NRXN1: variants seen among roughly 807,000 people sequenced by gnomAD.
The protein encoded by NRXN1 is neurexin-1.
In NRXN1, 39 loss-of-function variants were observed where a neutral mutation model predicts 150.9. The ratio of observed to expected loss-of-function variants is 0.26; its 90% CI spans 0.20 to 0.34. NRXN1 has a LOEUF of 0.34. Ranked by LOEUF, NRXN1 falls within the 10% of genes least tolerant of loss-of-function variation. The pLI, the probability that NRXN1 is intolerant of heterozygous loss-of-function variation, is 1.00. For synonymous variants in NRXN1, 924 were observed against 757.0 expected (o/e 1.22, Z -3.62); for missense variants, 1,815 against 1,949.9 (o/e 0.93, Z 1.30).
intron 2 of NRXN1, among the ~76,000 whole-genome samples, chr2:51,020,925 A>G (rs888396870): frequency 6.6e-6 from 1 of 152,002 alleles, no homozygotes; most frequent in Non-Finnish European, 1.5e-5. Flanking sequence ...AAAAACAAAA[A>G]GCCTTGCAAT....
At chr2:50,731,329 T>G (rs1318973463) in intron 5 of NRXN1, among the ~76,000 whole-genome samples, 1 of 152,220 alleles carries the variant, frequency 6.6e-6, no homozygotes, top group Admixed American at 6.5e-5. Flanking sequence ...ACAGAAAGTT[T>G]GCAAGTCAAA....
At chr2:50,894,041 T>A (rs1681512842) in intron 5 of NRXN1, among the ~76,000 whole-genome samples, 2 of 151,164 alleles carry the variant, frequency 1.3e-5, no homozygotes, top group African/African-American at 4.9e-5. Flanking sequence ...TTTGCTATTG[T>A]GAATAATGCC....
At chr2:50,475,651 T>C (rs931585766) in intron 15 of NRXN1, among the ~76,000 whole-genome samples, 1 of 152,026 alleles carries the variant, frequency 6.6e-6, no homozygotes, top group East Asian at 1.9e-4. Context: ...GTTGGCTTTA[T>C]AAATAGGGGA....
At chr2:50,487,323 T>G (rs1307745372) in intron 15 of NRXN1, among the ~76,000 whole-genome samples, 1 of 152,184 alleles carries the variant, frequency 6.6e-6, no homozygotes, top group East Asian at 1.9e-4. Context: ...ATGCTTCTTG[T>G]ATTGTCCTTA....
At chr2:50,579,468 G>C (rs1474915430) in intron 8 of NRXN1, among the ~76,000 whole-genome samples, 2 of 152,110 alleles carry the variant, frequency 1.3e-5, no homozygotes, top group African/African-American at 4.8e-5. Context: ...GATCAGCCTG[G>C]GCAACACAGT....
At chr2:50,461,790 T>C (rs935973718) in intron 17 of NRXN1, among the ~76,000 whole-genome samples, 20 of 152,050 alleles carry the variant, frequency 1.3e-4, no homozygotes, top group African/African-American at 4.6e-4. Context: ...GAAGTTTCCA[T>C]GGGACAAAAG....
intron 4 of NRXN1, 52 bp downstream of exon 4, chr2:50,922,606 T>C (rs764536916): frequency 1.9e-6 from 3 of 1,589,874 alleles, no homozygotes; most frequent in Non-Finnish European, 2.6e-6. Context: ...TGAAAGCAGC[T>C]ACAGAACAAG....
intron 18 of NRXN1, among the ~76,000 whole-genome samples, chr2:50,133,845 A>G (rs1370780462): frequency 3.3e-5 from 5 of 152,198 alleles, no homozygotes; most frequent in Non-Finnish European, 7.4e-5. Flanking sequence ...TCTAACTGAC[A>G]AAATGAAGAC....
chr2:50,851,229 A>G (rs1302235899), intron 5 of NRXN1, among the ~76,000 whole-genome samples: 1 of 151,992 alleles, frequency 6.6e-6, no homozygotes, highest in Non-Finnish European at 1.5e-5. Context: ...TCCCCCCAAA[A>G]GTGGGGGTGA....
intron 2 of NRXN1, among the ~76,000 whole-genome samples, chr2:50,993,752 A>C (rs974359527): frequency 1.3e-5 from 2 of 151,954 alleles, no homozygotes; most frequent in African/African-American, 4.8e-5. Flanking sequence ...AAGCTTCTCC[A>C]CACACTATTT....
chr2:50,362,207 T>C (rs1050440754), intron 17 of NRXN1, among the ~76,000 whole-genome samples: 4 of 152,164 alleles, frequency 2.6e-5, no homozygotes, highest in African/African-American at 9.6e-5. Context: ...GGATGCCCTC[T>C]ATCACCACTC....
chr2:50,472,181 C>G, intron 16 of NRXN1, 117 bp downstream of exon 16: 1 of 824,444 alleles, frequency 1.2e-6, no homozygotes, highest in Non-Finnish European at 1.7e-6. Flanking sequence ...ATAAGGATGT[C>G]TAAGCCCAAA....
chr2:50,995,772 C>T (rs1045885763), intron 2 of NRXN1, among the ~76,000 whole-genome samples: 4 of 152,096 alleles, frequency 2.6e-5, no homozygotes, highest in Admixed American at 6.6e-5. Context: ...CTTGGCTTTA[C>T]GCCGAGCAAG....
intron 19 of NRXN1, among the ~76,000 whole-genome samples, chr2:50,067,157 G>T (rs745718745): frequency 6.6e-6 from 1 of 152,172 alleles, no homozygotes; most frequent in Non-Finnish European, 1.5e-5. Flanking sequence ...GGCGTAGAAG[G>T]CTGCAGGCTG....
At chr2:49,987,043 G>GA (rs111592095) in intron 21 of NRXN1, among the ~76,000 whole-genome samples, 86 of 146,852 alleles carry the variant, frequency 5.9e-4, no homozygotes, top group African/African-American at 5.5e-4. Flanking sequence ...GACAGAGTGA[G>GA]AAAAAAAAAA....
At chr2:50,275,517 T>C (rs887117846) in intron 17 of NRXN1, among the ~76,000 whole-genome samples, 2 of 152,168 alleles carry the variant, frequency 1.3e-5, no homozygotes, top group African/African-American at 4.8e-5. Flanking sequence ...AAAAAATCTA[T>C]TCATGGGTAG....
chr2:50,106,281 T>G (rs185534578), intron 18 of NRXN1, among the ~76,000 whole-genome samples: 1 of 152,090 alleles, frequency 6.6e-6, no homozygotes, highest in Admixed American at 6.6e-5. Context: ...TTGGGATGAT[T>G]ATATCCAAGA....
intron 21 of NRXN1, among the ~76,000 whole-genome samples, chr2:49,984,922 T>C (rs1680647326): frequency 6.6e-6 from 1 of 152,208 alleles, no homozygotes; most frequent in Non-Finnish European, 1.5e-5. Context: ...TTAATCTGCC[T>C]ATTTGGGCAT....
chr2:50,042,040 C>A, intron 21 of NRXN1, among the ~76,000 whole-genome samples: 1 of 152,208 alleles, frequency 6.6e-6, no homozygotes, highest in Non-Finnish European at 1.5e-5. Context: ...CTGCATATCG[C>A]ATCCACCCCT....
Sources: gnomAD v4.1 joint callset for allele counts (sites outside exome capture counted in the v4.1 genomes callset) on GRCh38, gnomAD v4.1.1 for gene constraint, MANE v1.5 for transcripts, NCBI Gene and HGNC (gene_info 2026-07-23, HGNC 2026-07-21) for gene names.